Variants in AMMECR1L observed in about 807,000 individuals in gnomAD.
AMMECR1L encodes AMMECR1-like protein.
Under a neutral mutation model 36.8 loss-of-function variants are expected in AMMECR1L, and 4 were observed. The observed-to-expected ratio is 0.11, with a 90% CI of 0.05 to 0.25. The LOEUF (loss-of-function observed/expected upper bound fraction) is 0.25, where lower values mean the gene tolerates loss of function less well. AMMECR1L is among the 10% of genes least tolerant of loss of function. The pLI is 1.00. For synonymous variants in AMMECR1L, 147 were observed against 148.0 expected, an observed-to-expected ratio of 0.99 and a Z score of 0.05; for missense variants, 232 against 392.1, an observed-to-expected ratio of 0.59 and a Z score of 3.45.
intron 3 of AMMECR1L, among the ~76,000 whole-genome samples, chr2:127,872,413 C>A (rs1001040918): frequency 6.6e-6 from 1 of 152,082 alleles, no homozygotes; most frequent in African/African-American, 2.4e-5. Context: ...TTCATTAAGG[C>A]TATATCAGAT....
chr2:127,885,095 A>G, intron 1 of AMMECR1L: 8 of 929,736 alleles, frequency 8.6e-6, no homozygotes, highest in Non-Finnish European at 1.0e-5. Flanking sequence ...CCTGGGAAAG[A>G]GAGGCATGAA....
intron 2 of AMMECR1L, among the ~76,000 whole-genome samples, chr2:127,878,133 T>C (rs1282695711): frequency 1.3e-5 from 2 of 152,170 alleles, no homozygotes; most frequent in Non-Finnish European, 2.9e-5. Context: ...TTATAGAATC[T>C]TGCCAACAAA....
rs375083609 is a variant in AMMECR1L at position 127,873,992 on chromosome 2, G to A, written c.243C>T (p.Pro81=). The change falls in exon 3 of 8, where the codon CCC becomes CCT. Residue 81 remains proline (P), a synonymous_variant. Coordinates refer to ENST00000272647, the MANE Select transcript of AMMECR1L (RefSeq NM_001199140.2). The surrounding 1 kb of genome is among the most constrained non-coding windows in gnomAD (Gnocchi z 5.2). ...PGNSPITRMN[P]ASGALSPLPR... ...GAAGAGGGCTCAGCGCTCCCGATGC[G>A]GGATTCATTCGTGTGATGGGAGAGT... is the stretch of plus-strand genomic sequence containing the variant. 41 of 1,614,108 alleles carry A rather than the reference G, an allele frequency of 2.5e-5. No individual in the cohort carries two copies. Among genetic ancestry groups the A allele is most frequent in the South Asian group, 2.1e-4 (19 of 91,094 alleles).
intron 6 of AMMECR1L, 153 bp from the exon 7 acceptor site, chr2:127,867,149 C>A (rs563555301): frequency 6.1e-6 from 6 of 985,356 alleles, no homozygotes; most frequent in East Asian, 1.1e-4. Context: ...ACGTACCTGG[C>A]GCCCAGTCTG....
intron 1 of AMMECR1L, chr2:127,885,259 G>C: frequency 5.1e-6 from 5 of 983,872 alleles, no homozygotes; most frequent in Non-Finnish European, 6.0e-6. Flanking sequence ...AGCGGGGAGG[G>C]GAAAAGCGGG....
rs1165142584 is a variant in AMMECR1L at position 127,871,554 on chromosome 2, C to G, written c.408-195G>C. On this transcript the variant is annotated intron_variant, in intron 3 of 7. Transcript: ENST00000272647. The surrounding 1 kb of genome is among the most constrained non-coding windows in gnomAD (Gnocchi z 4.3). ...GGCTGGAAACGGGAAACCTACAAGGCAGCATAAGGAAAGGCTCCGTGTAGT... is the reference window on the plus strand; with the variant it reads ...GGCTGGAAACGGGAAACCTACAAGGGAGCATAAGGAAAGGCTCCGTGTAGT... 1.3e-5 allele frequency among the ~76,000 whole-genome samples: 2 copies of G among 152,206 alleles called. No homozygotes were observed. Among genetic ancestry groups the G allele is most frequent in the Non-Finnish European group, 2.9e-5 (2 of 68,036 alleles).
In AMMECR1L at chr2:127,871,414, A is replaced by G; in HGVS notation, c.408-55T>C. Reference sequence around the variant, plus strand: ...CAGCCCCAAATTAATCATGGATAAGAACAAAACCTTTTGGCTTTGTCCCTA... The same window carrying G: ...CAGCCCCAAATTAATCATGGATAAGGACAAAACCTTTTGGCTTTGTCCCTA... On this transcript the variant is annotated intron_variant, in intron 3 of 7. Transcript: ENST00000272647. The surrounding 1 kb of genome is among the most constrained non-coding windows in gnomAD (Gnocchi z 4.3). 1 of 1,554,006 alleles carries G rather than the reference A, an allele frequency of 6.4e-7. No individual in the cohort carries two copies. The highest frequency in any genetic ancestry group is 8.8e-7 in the Non-Finnish European group (1 of 1,142,194).
At chr2:127,878,423 A>C (rs975027309) in intron 2 of AMMECR1L, among the ~76,000 whole-genome samples, 47 of 152,212 alleles carry the variant, frequency 3.1e-4, no homozygotes, top group African/African-American at 1.1e-3. Flanking sequence ...GAAGGGAAAG[A>C]ATAAAATGCA....
At chr2:127,876,552 T>C (rs902816289) in intron 2 of AMMECR1L, among the ~76,000 whole-genome samples, 22 of 152,112 alleles carry the variant, frequency 1.4e-4, no homozygotes, top group Non-Finnish European at 1.5e-5. Flanking sequence ...ATTTGGACTG[T>C]TGAGAGGGGA....
intron 6 of AMMECR1L, chr2:127,867,273 T>A: frequency 1.4e-5 from 14 of 985,466 alleles, no homozygotes; most frequent in Non-Finnish European, 1.7e-5. Flanking sequence ...TACCCCAGTA[T>A]AATTATCTAG....
chr2:127,879,148 T>C (rs376871908), intron 2 of AMMECR1L, among the ~76,000 whole-genome samples: 43 of 152,246 alleles, frequency 2.8e-4, no homozygotes, highest in Non-Finnish European at 5.9e-5. Flanking sequence ...AAAGCAAATA[T>C]TAACTTGATA....
chr2:127,881,015 A>T (rs940803200), intron 2 of AMMECR1L, among the ~76,000 whole-genome samples: 12 of 152,264 alleles, frequency 7.9e-5, no homozygotes, highest in African/African-American at 2.9e-4. Context: ...AATTAGGTCA[A>T]CTATCACCTA....
At position 127,864,933 on chromosome 2, in the gene AMMECR1L, C is replaced by A. The variant is rs994821330; in HGVS notation, c.*161G>T. On this transcript the variant is annotated 3_prime_UTR_variant, in exon 8 of 8. Coordinates refer to ENST00000272647, the MANE Select transcript of AMMECR1L (RefSeq NM_001199140.2). ...TTCTGTTTCGTTCAAGGTAACCCTA[C>A]CCTCCCTCAGTCAGCGGGAGGCAGA... 43 of 564,888 alleles carry A rather than the reference C, an allele frequency of 7.6e-5. No homozygotes were observed. The highest frequency in any genetic ancestry group is 1.3e-4 in the Non-Finnish European group (42 of 316,604). 35.0% of individuals were successfully genotyped at this position (564,888 alleles called of 1,614,324 possible). A position where few individuals can be genotyped will look rare whatever the true frequency, so the allele number is the denominator to read the frequency against.
Position 127,871,136 on chromosome 2 carries a change from C to A in AMMECR1L, c.518+113G>T. ...CACCAGATTAAGCCCCTTACATTTCCTGATTACCAAAAAGAGAAAGCTCAA... is the reference window on the plus strand; with the variant it reads ...CACCAGATTAAGCCCCTTACATTTCATGATTACCAAAAAGAGAAAGCTCAA... On this transcript the variant is annotated intron_variant, in intron 4 of 7. Transcript: ENST00000272647. The surrounding 1 kb of genome is among the most constrained non-coding windows in gnomAD (Gnocchi z 4.3). 8.2e-7 allele frequency: 1 copy of A among 1,217,090 alleles called. No individual in the cohort carries two copies. The allele number at this position is 1,217,090 out of a possible 1,614,324, so 75.4% of individuals were successfully genotyped here.
At chr2:127,885,652 C>G (rs903899524) in intron 1 of AMMECR1L, 158 bp downstream of exon 1, 33 of 984,414 alleles carry the variant, frequency 3.4e-5, no homozygotes, top group South Asian at 9.4e-5. Flanking sequence ...CTCCTCCCCC[C>G]CGCTGCCCCC....
chr2:127,868,711 G>C (rs1690817389), intron 6 of AMMECR1L, among the ~76,000 whole-genome samples: 1 of 151,648 alleles, frequency 6.6e-6, no homozygotes, highest in South Asian at 2.1e-4. Flanking sequence ...CCCATCAGAA[G>C]AACTTATAGG....
At position 127,863,413 on chromosome 2, in the gene AMMECR1L, A is replaced by T. The variant is rs1690548869; in HGVS notation, c.*1681T>A. On this transcript the variant is annotated 3_prime_UTR_variant, in exon 8 of 8. Transcript: ENST00000272647. ...GAGCAGCACAGGACGGTGTGGAGCA[A>T]ACCCACTCACCCTTGCCCATCCCTT... 1 of 152,218 alleles carries T rather than the reference A, an allele frequency of 6.6e-6. No individual in the cohort carries two copies. The highest frequency in any genetic ancestry group is 2.1e-4 in the South Asian group (1 of 4,826). 9.4% of individuals were successfully genotyped at this position (152,218 alleles called of 1,614,324 possible). A position where few individuals can be genotyped will look rare whatever the true frequency, so the allele number is the denominator to read the frequency against.
chr2:127,872,936 C>A, intron 3 of AMMECR1L: 1 of 948,902 alleles, frequency 1.1e-6, no homozygotes, highest in Non-Finnish European at 1.3e-6. Flanking sequence ...CTCTGACACA[C>A]TCACAGAGAA....
chr2:127,880,936 C>A (rs149064579), intron 2 of AMMECR1L, among the ~76,000 whole-genome samples: 1 of 152,088 alleles, frequency 6.6e-6, no homozygotes, highest in Non-Finnish European at 1.5e-5. Flanking sequence ...CTATTCAGCC[C>A]AAACCAAGGG....
Sources: gnomAD v4.1 joint callset for allele counts (sites outside exome capture counted in the v4.1 genomes callset) on GRCh38, gnomAD v4.1.1 for gene constraint, Gnocchi (gnomAD v3.1) non-coding constraint, MANE v1.5 for transcripts, NCBI Gene and HGNC (gene_info 2026-07-23, HGNC 2026-07-21) for gene names.